The following GPCPD1 variants were observed in gnomAD, a reference collection of about 807,000 sequenced individuals.
GPCPD1 encodes glycerophosphocholine phosphodiesterase GPCPD1.
In GPCPD1, 29 loss-of-function variants were observed where a neutral mutation model predicts 89.2. The observed-to-expected ratio is 0.33, with a 90% CI of 0.24 to 0.44. The LOEUF (loss-of-function observed/expected upper bound fraction) is 0.44, where lower values mean the gene tolerates loss of function less well. Ranked by LOEUF, GPCPD1 falls within the 20% of genes least tolerant of loss-of-function variation. The pLI is 1.00. For missense variants in GPCPD1, 594 were observed against 808.9 expected (o/e 0.73, Z 3.22); for synonymous variants, 258 against 266.3 (o/e 0.97, Z 0.30).
chr20:5,601,377 T>C (rs1265797954), intron 2 of GPCPD1, among the ~76,000 whole-genome samples: 1 of 142,652 alleles, frequency 7.0e-6, no homozygotes, highest in East Asian at 2.1e-4. Context: ...TTTTTTTTTT[T>C]TTTTTTTTTG....
In GPCPD1 at chr20:5,547,487, C is replaced by A; in HGVS notation, c.*174G>T. The A allele has an allele frequency of 2.5e-6, 1 of 395,404 alleles. No individual in the cohort carries two copies. Among genetic ancestry groups the A allele is most frequent in the Non-Finnish European group, 4.5e-6 (1 of 220,264 alleles). 24.5% of individuals were successfully genotyped at this position (395,404 alleles called of 1,614,324 possible). A position where few individuals can be genotyped will look rare whatever the true frequency, so the allele number is the denominator to read the frequency against. On this transcript the variant is annotated 3_prime_UTR_variant, in exon 20 of 20. Coordinates refer to ENST00000379019, the MANE Select transcript of GPCPD1 (RefSeq NM_019593.5). ...GAGACTGACTGGCAATTATACCTGG[C>A]CAAGTAATTTAAATAGCATACTTGC...
chr20:5,582,841 A>C (rs1336182718), intron 6 of GPCPD1, among the ~76,000 whole-genome samples: 1 of 151,620 alleles, frequency 6.6e-6, no homozygotes, highest in Non-Finnish European at 1.5e-5. Context: ...GCAAGCGGAG[A>C]TTGCGCCACT....
chr20:5,593,254 C>T (rs1211776516), intron 4 of GPCPD1, 73 bp downstream of exon 4: 6 of 759,824 alleles, frequency 7.9e-6, no homozygotes, highest in Admixed American at 4.1e-5. Flanking sequence ...TTACTTTGAA[C>T]GTGTTCAAAC....
At chr20:5,593,489 C>T in intron 3 of GPCPD1, 78 bp from the exon 4 acceptor site, 2 of 758,640 alleles carry the variant, frequency 2.6e-6, no homozygotes, top group South Asian at 1.5e-5. Flanking sequence ...TCACAAAACT[C>T]CTCAAATAAA....
At chr20:5,557,154 T>C (rs756376189) in intron 19 of GPCPD1, among the ~76,000 whole-genome samples, 7 of 152,050 alleles carry the variant, frequency 4.6e-5, no homozygotes, top group Non-Finnish European at 8.8e-5. Flanking sequence ...TTGGCTCATA[T>C]AGGGCCCTCA....
chr20:5,583,405 G>A (rs897277301), intron 6 of GPCPD1, among the ~76,000 whole-genome samples: 10 of 150,864 alleles, frequency 6.6e-5, no homozygotes, highest in Non-Finnish European at 1.2e-4. Context: ...AAAATTAGCT[G>A]GGCATGGTAG....
At chr20:5,573,030 C>T (rs571866298) in intron 11 of GPCPD1, among the ~76,000 whole-genome samples, 29 of 152,096 alleles carry the variant, frequency 1.9e-4, no homozygotes, top group African/African-American at 6.7e-4. Context: ...AGCCACCACA[C>T]TCAGCTGATA....
At chr20:5,596,998 G>A (rs889048833) in intron 3 of GPCPD1, among the ~76,000 whole-genome samples, 3 of 152,158 alleles carry the variant, frequency 2.0e-5, no homozygotes, top group African/African-American at 7.2e-5. Flanking sequence ...AGGACAGGCA[G>A]GGGTGTGTTT....
At chr20:5,570,115 T>C (rs1986623847) in intron 12 of GPCPD1, 32 bp downstream of exon 12, 3 of 951,032 alleles carry the variant, frequency 3.2e-6, no homozygotes, top group Non-Finnish European at 5.0e-6. Context: ...TACTTAACAT[T>C]AAGAGTTTGA....
At chr20:5,579,737 A>AT (rs1355087409) in intron 7 of GPCPD1, among the ~76,000 whole-genome samples, 1 of 152,360 alleles carries the variant, frequency 6.6e-6, no homozygotes, top group African/African-American at 2.4e-5. Flanking sequence ...CACTATGAAA[A>AT]TTTAAATAGA....
intron 2 of GPCPD1, among the ~76,000 whole-genome samples, chr20:5,603,031 T>C (rs1229817597): frequency 6.8e-6 from 1 of 146,974 alleles, no homozygotes; most frequent in Non-Finnish European, 1.5e-5. Flanking sequence ...CGGTGGCTCC[T>C]ACCTGTAATC....
At chr20:5,597,809 T>G (rs1979835204) in intron 3 of GPCPD1, among the ~76,000 whole-genome samples, 1 of 152,198 alleles carries the variant, frequency 6.6e-6, no homozygotes, top group African/African-American at 2.4e-5. Context: ...CACCCAGATT[T>G]ACCTTTCTCC....
chr20:5,577,546 A>G (rs1978297065), intron 8 of GPCPD1, among the ~76,000 whole-genome samples: 1 of 152,116 alleles, frequency 6.6e-6, no homozygotes, highest in African/African-American at 2.4e-5. Context: ...AGAAGTCATC[A>G]AAATTTCATA....
At chr20:5,548,080 C>T (rs1354479741) in intron 19 of GPCPD1, among the ~76,000 whole-genome samples, 1 of 152,140 alleles carries the variant, frequency 6.6e-6, no homozygotes, top group Non-Finnish European at 1.5e-5. Context: ...TTTGTACCCC[C>T]GATGCAATGG....
At chr20:5,569,220 C>T (rs1387381090) in intron 12 of GPCPD1, among the ~76,000 whole-genome samples, 1 of 151,894 alleles carries the variant, frequency 6.6e-6, no homozygotes, top group Non-Finnish European at 1.5e-5. Flanking sequence ...CCTAGGAACT[C>T]TGATTAAAAT....
intron 8 of GPCPD1, among the ~76,000 whole-genome samples, chr20:5,576,530 T>C (rs1978289392): frequency 6.6e-6 from 1 of 152,142 alleles, no homozygotes; most frequent in African/African-American, 2.4e-5. Flanking sequence ...ATCAAATTTA[T>C]ATTCATGTGA....
intron 18 of GPCPD1, among the ~76,000 whole-genome samples, 182 bp downstream of exon 18, chr20:5,558,502 G>A (rs564672304): frequency 1.5e-4 from 23 of 152,220 alleles, no homozygotes; most frequent in African/African-American, 5.1e-4. Flanking sequence ...AACAAATTTT[G>A]TACTTAATGT....
rs1985066100 is a variant in GPCPD1 at position 5,547,126 on chromosome 20, T to C, written c.*535A>G. The C allele has an allele frequency of 1.3e-5, 2 of 152,626 alleles. No homozygotes were observed. The highest frequency in any genetic ancestry group is 4.1e-4 in the South Asian group (2 of 4,832). 9.5% of individuals were successfully genotyped at this position (152,626 alleles called of 1,614,324 possible). ...ATGGCAGCAGCCTCAAGGTTCATAC[T>C]GAATGAAAATGGTGTTGTGTGCATG... On this transcript the variant is annotated 3_prime_UTR_variant, in exon 20 of 20. Coordinates refer to ENST00000379019, the MANE Select transcript of GPCPD1 (RefSeq NM_019593.5).
At position 5,557,993 on chromosome 20, in the gene GPCPD1, T is replaced by C; in HGVS notation, c.1781A>G (p.Asn594Ser). 1 of 1,603,606 alleles carries C rather than the reference T, an allele frequency of 6.2e-7. No homozygotes were observed. The highest frequency in any genetic ancestry group is 8.5e-7 in the Non-Finnish European group (1 of 1,171,076). The change falls in exon 19 of 20, where the codon AAC becomes AGC. Residue 594 changes from asparagine (N) to serine (S), a missense_variant. Asn to Ser is a conservative substitution (Grantham distance 46). Coordinates refer to ENST00000379019, the MANE Select transcript of GPCPD1 (RefSeq NM_019593.5). Reference sequence around the variant, plus strand: ...TCCAAGTTCCTTCAATTTCCTTCTGTTTTCAGGATCATTGGTATCATCACC... The same window carrying C: ...TCCAAGTTCCTTCAATTTCCTTCTGCTTTCAGGATCATTGGTATCATCACC... ...CWGDDTNDPE[N>S]RRKLKELGVN...
Sources: allele counts gnomAD v4.1 joint callset (sites outside exome capture counted in the v4.1 genomes callset), GRCh38; gene constraint gnomAD v4.1.1; transcripts MANE v1.5; gene names NCBI Gene and HGNC (gene_info 2026-07-23, HGNC 2026-07-21).